Variants in DLG2 observed in about 807,000 individuals in gnomAD.
DLG2 encodes the protein discs large MAGUK scaffold protein 2.
DLG2 carries 45 observed loss-of-function variants against 132.5 expected under a neutral mutation model. The ratio of observed to expected loss-of-function variants is 0.34; its 90% confidence interval spans 0.27 to 0.44. DLG2 has a LOEUF of 0.44. DLG2 is among the 20% of genes least tolerant of loss of function. The pLI is 1.00. For missense variants in DLG2, 1,045 were observed against 1,196.9 expected (o/e 0.87, Z 1.87); for synonymous variants, 424 against 419.6 (o/e 1.01, Z -0.13).
intron 7 of DLG2, among the ~76,000 whole-genome samples, chr11:84,521,221 G>A (rs944012073): frequency 6.6e-6 from 1 of 152,166 alleles, no homozygotes; most frequent in Non-Finnish European, 1.5e-5. Flanking sequence ...CTTTACTAAA[G>A]CTGAAAATTG....
At chr11:83,918,622 A>G (rs2077314346) in intron 15 of DLG2, among the ~76,000 whole-genome samples, 1 of 152,180 alleles carries the variant, frequency 6.6e-6, no homozygotes. Flanking sequence ...CCAGAGGAAA[A>G]GGCTCCAGTA....
chr11:83,694,163 G>C (rs995537663), intron 18 of DLG2, among the ~76,000 whole-genome samples: 4 of 152,182 alleles, frequency 2.6e-5, no homozygotes, highest in African/African-American at 9.7e-5. Context: ...ACAGAGCTGG[G>C]ACTCTAACTA....
At chr11:83,498,739 AGAAAAATTAAC>A (rs2094289572) in intron 21 of DLG2, among the ~76,000 whole-genome samples, 1 of 150,446 alleles carries the variant, frequency 6.6e-6, no homozygotes, top group East Asian at 1.9e-4. Flanking sequence ...TTAAAAATTG[AGAAAAATTAAC>A]AAAACAAAGT....
At chr11:85,148,816 T>C (rs1489396380) in intron 5 of DLG2, among the ~76,000 whole-genome samples, 1 of 152,252 alleles carries the variant, frequency 6.6e-6, no homozygotes, top group African/African-American at 2.4e-5. Context: ...CATCATGAAG[T>C]CTTTGCCCAT....
At chr11:83,902,066 TC>T (rs1242571779) in intron 15 of DLG2, among the ~76,000 whole-genome samples, 1 of 152,166 alleles carries the variant, frequency 6.6e-6, no homozygotes, top group East Asian at 1.9e-4. Context: ...ATCAAAGTAA[TC>T]GTGCTAAACA....
At chr11:85,154,445 T>C (rs1392137450) in intron 5 of DLG2, 111 bp downstream of exon 5, 2 of 582,034 alleles carry the variant, frequency 3.4e-6, no homozygotes, top group African/African-American at 1.9e-5. Flanking sequence ...AGCTAGAAAT[T>C]AGGTTACACA....
intron 14 of DLG2, among the ~76,000 whole-genome samples, chr11:83,958,028 C>G (rs1191195117): frequency 6.6e-6 from 1 of 152,178 alleles, no homozygotes; most frequent in East Asian, 1.9e-4. Flanking sequence ...TTATACATCT[C>G]TTATTCAATA....
chr11:84,648,115 A>C (rs1228832510), intron 6 of DLG2, among the ~76,000 whole-genome samples: 1 of 152,206 alleles, frequency 6.6e-6, no homozygotes, highest in Non-Finnish European at 1.5e-5. Context: ...ACTGCCTACA[A>C]AACCTATGCT....
chr11:83,873,940 G>C (rs1405419116), intron 16 of DLG2, among the ~76,000 whole-genome samples: 1 of 152,196 alleles, frequency 6.6e-6, no homozygotes, highest in Non-Finnish European at 1.5e-5. Flanking sequence ...TGTATCACAA[G>C]TGTGTGTTTG....
chr11:84,102,914 T>C (rs997464128), intron 9 of DLG2, among the ~76,000 whole-genome samples: 5 of 152,172 alleles, frequency 3.3e-5, no homozygotes, highest in African/African-American at 1.2e-4. Flanking sequence ...ACTGTGGCTC[T>C]GGCATTTTCT....
At chr11:84,203,910 C>G (rs2096631097) in intron 8 of DLG2, among the ~76,000 whole-genome samples, 2 of 152,128 alleles carry the variant, frequency 1.3e-5, no homozygotes, top group Admixed American at 1.3e-4. Context: ...GTCTGCACAT[C>G]CTGCACATGT....
chr11:85,181,925 C>T (rs1181071251), intron 4 of DLG2, among the ~76,000 whole-genome samples: 2 of 151,688 alleles, frequency 1.3e-5, no homozygotes, highest in East Asian at 3.9e-4. Context: ...TTGTGAACAT[C>T]CAGGCAAGGA....
chr11:84,526,185 A>G (rs2099320040), intron 7 of DLG2, among the ~76,000 whole-genome samples: 1 of 152,198 alleles, frequency 6.6e-6, no homozygotes, highest in African/African-American at 2.4e-5. Context: ...TTAGATGTTT[A>G]TATTTCATAT....
intron 3 of DLG2, among the ~76,000 whole-genome samples, chr11:85,564,826 T>G (rs926322480): frequency 6.6e-6 from 1 of 151,972 alleles, no homozygotes; most frequent in South Asian, 2.1e-4. Flanking sequence ...ATAGAGCAAT[T>G]TGGGGAGAAC....
chr11:84,432,480 C>T (rs150238757), intron 7 of DLG2, among the ~76,000 whole-genome samples: 2 of 152,214 alleles, frequency 1.3e-5, no homozygotes, highest in African/African-American at 4.8e-5. Flanking sequence ...AAACTGAGGC[C>T]AGAGAAACCA....
chr11:85,622,983 C>T (rs532725246), intron 2 of DLG2, among the ~76,000 whole-genome samples: 37 of 149,800 alleles, frequency 2.5e-4, no homozygotes, highest in African/African-American at 8.1e-4. Flanking sequence ...GCACGAACCC[C>T]GGAGGCGGAG....
At chr11:84,299,217 A>C (rs573956821) in intron 7 of DLG2, among the ~76,000 whole-genome samples, 3 of 152,340 alleles carry the variant, frequency 2.0e-5, no homozygotes, top group African/African-American at 7.2e-5. Flanking sequence ...GATTACACTT[A>C]AAGTGAAGCC....
At chr11:84,732,927 G>T (rs2063341308) in intron 6 of DLG2, among the ~76,000 whole-genome samples, 4 of 152,008 alleles carry the variant, frequency 2.6e-5, no homozygotes, top group Non-Finnish European at 5.9e-5. Context: ...TGCTGAGAAT[G>T]ATGGTTTCCA....
At chr11:83,768,606 C>T (rs2094245555) in intron 18 of DLG2, among the ~76,000 whole-genome samples, 2 of 152,174 alleles carry the variant, frequency 1.3e-5, no homozygotes, top group South Asian at 4.1e-4. Flanking sequence ...TATTAAGCAA[C>T]AACTTGCCAG....
Sources: allele counts gnomAD v4.1 joint callset (sites outside exome capture counted in the v4.1 genomes callset), GRCh38; gene constraint gnomAD v4.1.1; transcripts MANE v1.5; gene names NCBI Gene and HGNC (gene_info 2026-07-23, HGNC 2026-07-21).